HELLS: variants seen among roughly 807,000 people sequenced by gnomAD.
The protein encoded by HELLS is lymphoid-specific helicase.
Under a neutral mutation model 120.0 loss-of-function variants are expected in HELLS, and 32 were observed. The ratio of observed to expected loss-of-function variants is 0.27; its 90% CI spans 0.20 to 0.36. The LOEUF (loss-of-function observed/expected upper bound fraction) is 0.36. HELLS is among the 10% of genes least tolerant of loss of function. The pLI is 1.00. For synonymous variants in HELLS, 341 were observed against 323.4 expected (o/e 1.05, Z -0.58); for missense variants, 650 against 993.4 (o/e 0.65, Z 4.65).
At chr10:94,601,141 GGT>G (rs1846015289) in intron 21 of HELLS, among the ~76,000 whole-genome samples, 1 of 152,032 alleles carries the variant, frequency 6.6e-6, no homozygotes, top group Non-Finnish European at 1.5e-5. Context: ...AGCTTTTTGT[GGT>G]GTGTTTTCAG....
intron 4 of HELLS, among the ~76,000 whole-genome samples, chr10:94,560,590 G>A (rs1024806268): frequency 6.6e-6 from 1 of 151,992 alleles, no homozygotes; most frequent in Non-Finnish European, 1.5e-5. Flanking sequence ...CAGCTGCTTG[G>A]GAGGTTGAGG....
chr10:94,562,044 G>A (rs985985234), intron 4 of HELLS, among the ~76,000 whole-genome samples: 1 of 151,688 alleles, frequency 6.6e-6, no homozygotes, highest in South Asian at 2.1e-4. Flanking sequence ...GCCTCCCAAA[G>A]TGCTGGGATT....
At chr10:94,588,111 T>G in intron 12 of HELLS, 118 bp from the exon 13 acceptor site, 1 of 505,202 alleles carries the variant, frequency 2.0e-6, no homozygotes, top group Non-Finnish European at 3.4e-6. Flanking sequence ...CCTTTTGAGA[T>G]TTGGCATTAT....
At position 94,554,130 on chromosome 10, in the gene HELLS, G is replaced by T. The variant is rs780221772; in HGVS notation, c.158G>T (p.Arg53Leu). ...GGAAATTTTCTCTTTGGATAGGCTC[G>T]CATGTCTTGGGATAGAGAGTCGACA... ...ERERKMLEKA[R>L]MSWDRESTEI... The change falls in exon 3 of 22, where the codon CGC (arginine) becomes CTC (leucine). Residue 53 changes from arginine to leucine, a missense_variant. Arg to Leu is a moderately radical substitution (Grantham distance 102). This residue lies in a region of HELLS where 90 missense variants were observed against 93.6 expected (regional missense o/e 0.96). Transcript: ENST00000348459. 22 of 1,546,300 alleles carry T rather than the reference G, an allele frequency of 1.4e-5. No individual in the cohort carries two copies. Among genetic ancestry groups the T allele is most frequent in the Non-Finnish European group, 1.9e-5 (22 of 1,148,876 alleles).
chr10:94,589,701 T>A (rs1231200247), intron 13 of HELLS, among the ~76,000 whole-genome samples: 5 of 132,502 alleles, frequency 3.8e-5, no homozygotes, highest in African/African-American at 5.6e-5. Context: ...TTTTTTTTTT[T>A]TTTGAGACAG....
At position 94,562,686 on chromosome 10, in the gene HELLS, T is replaced by C; in HGVS notation, c.334-5T>C. On this transcript the variant is annotated splice_region_variant and splice_polypyrimidine_tract_variant and intron_variant, in intron 4 of 21. Coordinates refer to ENST00000348459, the MANE Select transcript of HELLS (RefSeq NM_018063.5). ...AAATCAATATTCTGAATCCTTGTTT[T>C]GTAGGGTAAAAATTCAATTGATGCA... The C allele has an allele frequency of 1.3e-6, 2 of 1,575,316 alleles. No individual in the cohort carries two copies.
chr10:94,579,046 A>G (rs1485587007), intron 10 of HELLS, among the ~76,000 whole-genome samples: 2 of 152,072 alleles, frequency 1.3e-5, no homozygotes, highest in Admixed American at 6.6e-5. Context: ...CTAACATGCC[A>G]TGGACCCCTA....
chr10:94,577,717 G>C (rs568261860), intron 10 of HELLS: 1 of 152,438 alleles, frequency 6.6e-6, no homozygotes, highest in South Asian at 2.1e-4. Context: ...CTTGAGGCCA[G>C]GAGTTCCAGA....
intron 4 of HELLS, among the ~76,000 whole-genome samples, chr10:94,559,754 T>G (rs1039212449): frequency 6.6e-6 from 1 of 152,092 alleles, no homozygotes; most frequent in African/African-American, 2.4e-5. Flanking sequence ...GGCCCTGAGT[T>G]CAATATTAAT....
chr10:94,546,898 G>C (rs546882568), intron 2 of HELLS, among the ~76,000 whole-genome samples: 3 of 152,308 alleles, frequency 2.0e-5, no homozygotes, highest in South Asian at 4.1e-4. Context: ...ACTAGACTGA[G>C]GGCAGGAGAA....
chr10:94,569,184 G>C (rs909063198), intron 6 of HELLS: 1 of 149,158 alleles, frequency 6.7e-6, no homozygotes, highest in Non-Finnish European at 1.5e-5. Flanking sequence ...AGCTCAGCAA[G>C]ACTTTTTTTT....
chr10:94,562,594 A>G (rs1318618621), intron 4 of HELLS, 97 bp from the exon 5 acceptor site: 1 of 813,636 alleles, frequency 1.2e-6, no homozygotes, highest in Non-Finnish European at 2.0e-6. Flanking sequence ...GCTCAATTGC[A>G]GGAAACATAT....
chr10:94,580,694 T>A (rs1844825991), intron 10 of HELLS, among the ~76,000 whole-genome samples: 1 of 152,130 alleles, frequency 6.6e-6, no homozygotes, highest in African/African-American at 2.4e-5. Context: ...AATTTGTCAG[T>A]CCCATTTTTT....
At chr10:94,562,623 G>C (rs994289499) in intron 4 of HELLS, 68 bp from the exon 5 acceptor site, 6 of 1,076,598 alleles carry the variant, frequency 5.6e-6, no homozygotes, top group African/African-American at 1.6e-5. Flanking sequence ...AAGTTAATCA[G>C]TGCCTTTTAA....
At chr10:94,580,523 C>G (rs1844817341) in intron 10 of HELLS, among the ~76,000 whole-genome samples, 2 of 151,956 alleles carry the variant, frequency 1.3e-5, no homozygotes, top group Admixed American at 6.6e-5. Flanking sequence ...AGATAGCTGT[C>G]TTACAGTGAG....
At position 94,571,603 on chromosome 10, in the gene HELLS, G is replaced by T. The variant is rs111912182; in HGVS notation, c.477+174G>T. 3.0e-3 allele frequency among the ~76,000 whole-genome samples: 454 copies of T among 151,648 alleles called. 1 individual carries two copies. The highest frequency in any genetic ancestry group is 0.011 in the African/African-American group (437 of 41,368). ...CATATCCAACATTCTTCTTTTTTAT[G>T]TATCAACTTTAGTTAGTTGTTTTAT... On this transcript the variant is annotated intron_variant, in intron 7 of 21. Coordinates refer to ENST00000348459, the MANE Select transcript of HELLS (RefSeq NM_018063.5).
downstream of HELLS, among the ~76,000 whole-genome samples, chr10:94,606,060 C>CTTTT (rs1166949716): frequency 7.6e-6 from 1 of 131,324 alleles, no homozygotes; most frequent in African/African-American, 2.8e-5. Context: ...TGGTATGGGT[C>CTTTT]TTTTTTTTTT....
intron 21 of HELLS, among the ~76,000 whole-genome samples, chr10:94,600,272 C>T (rs1845962528): frequency 1.4e-5 from 2 of 144,686 alleles, no homozygotes; most frequent in Non-Finnish European, 3.0e-5. Context: ...GCCTGGGTGA[C>T]AGAGCGAGAC....
rs1174267857 is a variant in HELLS, at chr10:94,590,882, T to C, written c.1767+106T>C. On this transcript the variant is annotated intron_variant, in intron 15 of 21. Transcript: ENST00000348459. ...TAATTATTAAAAATAAGTATGGTGC[T>C]ATTTGTCATGAAGATTGTAATCCTT... is the stretch of plus-strand genomic sequence containing the variant. 4 of 610,502 alleles carry C rather than the reference T, an allele frequency of 6.6e-6. No individual in the cohort carries two copies. In the East Asian group the frequency reaches 1.3e-4, roughly 20 times the overall value. The allele number at this position is 610,502 out of a possible 1,614,324, so 37.8% of individuals were successfully genotyped here.
Sources: allele counts gnomAD v4.1 joint callset (sites outside exome capture counted in the v4.1 genomes callset), GRCh38; gene constraint gnomAD v4.1.1; regional missense constraint gnomAD v4.1.1; transcripts MANE v1.5; gene names NCBI Gene and HGNC (gene_info 2026-07-23, HGNC 2026-07-21).